TMEM131L: variants seen among roughly 807,000 people sequenced by gnomAD.
The protein encoded by TMEM131L is transmembrane protein 131-like.
Under a neutral mutation model 192.2 loss-of-function variants are expected in TMEM131L, and 54 were observed. That is an observed-to-expected ratio of 0.28 (90% confidence interval 0.23 to 0.35). TMEM131L has a LOEUF of 0.35. Among genes scored for constraint, TMEM131L ranks in the 10% least tolerant of loss-of-function variants. The probability of loss-of-function intolerance (pLI) is 1.00; values close to 1 mark genes in which losing one functional copy is unlikely to be tolerated. For synonymous variants in TMEM131L, 701 were observed against 704.9 expected (o/e 0.99, Z 0.09); for missense variants, 1,888 against 1,972.9 (o/e 0.96, Z 0.82).
At chr4:153,573,808 C>G (rs145565808) in intron 7 of TMEM131L, among the ~76,000 whole-genome samples, 21 of 152,056 alleles carry the variant, frequency 1.4e-4, no homozygotes, top group African/African-American at 4.6e-4. Flanking sequence ...TCTTAGAAAC[C>G]AAAGGAGTGT....
chr4:153,480,759 A>G (rs1326737366), intron 3 of TMEM131L, among the ~76,000 whole-genome samples: 1 of 152,128 alleles, frequency 6.6e-6, no homozygotes, highest in Non-Finnish European at 1.5e-5. Context: ...TATACTCTCT[A>G]TATAGAAGGA....
intron 4 of TMEM131L, 59 bp downstream of exon 4, chr4:153,550,200 T>A (rs1194015728): frequency 5.8e-6 from 4 of 692,750 alleles, no homozygotes; most frequent in African/African-American, 3.7e-5. Flanking sequence ...ATTTTCAGAA[T>A]TTTTTTTACA....
At chr4:153,617,599 A>G (rs1733070986) in intron 26 of TMEM131L, among the ~76,000 whole-genome samples, 2 of 152,236 alleles carry the variant, frequency 1.3e-5, no homozygotes, top group South Asian at 2.1e-4. Context: ...AACACAAAAA[A>G]AACTATCCAT....
chr4:153,615,572 G>A (rs1550344), intron 26 of TMEM131L, among the ~76,000 whole-genome samples: 69,060 of 152,048 alleles, frequency 0.45, 16,342 homozygotes, highest in Non-Finnish European at 0.54. Flanking sequence ...TGAGGATAGG[G>A]CACACTTTCA....
intron 3 of TMEM131L, among the ~76,000 whole-genome samples, chr4:153,545,659 A>G (rs937488184): frequency 6.6e-6 from 1 of 152,186 alleles, no homozygotes; most frequent in African/African-American, 2.4e-5. Context: ...TTTTCTTTTA[A>G]AAGATAAAAG....
chr4:153,600,145 T>C (rs1406250158), intron 21 of TMEM131L, among the ~76,000 whole-genome samples: 2 of 151,958 alleles, frequency 1.3e-5, no homozygotes, highest in African/African-American at 4.8e-5. Context: ...TGGAAAGATT[T>C]CTTGAGCTCA....
Position 153,620,817 on chromosome 4 carries a change from T to G in TMEM131L, c.3629T>G (p.Leu1210Ter). The change falls in exon 27 of 35, where the codon TTA (leucine) becomes TGA (stop). Residue 1210 changes from leucine to a stop codon, truncating the protein, a stop_gained. Coordinates refer to ENST00000409959, the MANE Select transcript of TMEM131L (RefSeq NM_001131007.2). LOFTEE classifies it high-confidence loss of function. ...AAAAGAGAAGGAAATTTACAAAATT[T>G]AAATTGGAGTAAAAGTCGAACATGT... ...QEKREGNLQN[L>*]NWSKSRTCRK... 6.3e-7 allele frequency: 1 copy of G among 1,598,102 alleles called. No individual in the cohort carries two copies. Among genetic ancestry groups the G allele is most frequent in the Non-Finnish European group, 8.5e-7 (1 of 1,172,004 alleles).
intron 31 of TMEM131L, chr4:153,632,504 C>T: frequency 1.9e-6 from 1 of 528,840 alleles, no homozygotes; most frequent in East Asian, 3.3e-5. Flanking sequence ...TCTTGTCATC[C>T]AGGTCAAGAG....
chr4:153,570,226 A>G (rs10003974), intron 7 of TMEM131L, among the ~76,000 whole-genome samples: 15,111 of 152,152 alleles, frequency 0.099, 2,290 homozygotes, highest in African/African-American at 0.32. Flanking sequence ...TTAACTTCAC[A>G]TCCAAAAAAA....
chr4:153,602,605 C>A lies in TMEM131L; in HGVS notation c.2517C>A (p.Asp839Glu). 1 of 1,614,118 alleles carries A rather than the reference C, an allele frequency of 6.2e-7. No homozygotes were observed. Among genetic ancestry groups the A allele is most frequent in the Non-Finnish European group, 8.5e-7 (1 of 1,179,998 alleles). The change falls in exon 23 of 35, where the codon GAC becomes GAA. Residue 839 changes from aspartate to glutamate, a missense_variant. Transcript: ENST00000409959. ...IRDLSLVTAADLEFRFTLNVT... is the reference protein window; with the variant it reads ...IRDLSLVTAAELEFRFTLNVT... ...ACCTAAGTCTTGTAACCGCAGCGGA[C>A]CTAGAATTTCGCTTCACTCTCAATG...
chr4:153,518,331 A>G (rs1379568733), intron 3 of TMEM131L, among the ~76,000 whole-genome samples: 6 of 152,202 alleles, frequency 3.9e-5, no homozygotes, highest in Non-Finnish European at 5.9e-5. Flanking sequence ...TGTTTTTGCT[A>G]TAATAGAAAG....
At chr4:153,574,529 G>T (rs953725690) in intron 7 of TMEM131L, among the ~76,000 whole-genome samples, 4 of 152,124 alleles carry the variant, frequency 2.6e-5, no homozygotes, top group Non-Finnish European at 5.9e-5. Context: ...ACTGTGTGTG[G>T]GGGCCACCTG....
At chr4:153,517,640 C>T (rs900567194) in intron 3 of TMEM131L, among the ~76,000 whole-genome samples, 8 of 152,084 alleles carry the variant, frequency 5.3e-5, no homozygotes, top group Non-Finnish European at 1.2e-4. Flanking sequence ...GGTCAGGAGC[C>T]TTTTGTTCAA....
At chr4:153,560,081 G>A (rs1728749218) in intron 7 of TMEM131L, among the ~76,000 whole-genome samples, 1 of 151,822 alleles carries the variant, frequency 6.6e-6, no homozygotes, top group Non-Finnish European at 1.5e-5. Context: ...AGCTCTTCAG[G>A]GACTTTTGCG....
At position 153,626,621 on chromosome 4, in the gene TMEM131L, AGGCGTAGC is replaced by A. The variant is rs1472867047; in HGVS notation, c.4124+401_4124+408del. ...GAATTTCGTTTTTTCTTTTTAAATT[AGGCGTAGC>A]GGCGCATGCCTGTATTTCCAGCTAC... On this transcript the variant is annotated intron_variant, in intron 30 of 34. Coordinates refer to ENST00000409959, the MANE Select transcript of TMEM131L (RefSeq NM_001131007.2). 3.3e-5 allele frequency among the ~76,000 whole-genome samples: 5 copies of A among 152,224 alleles called. No homozygotes were observed. The East Asian group carries it at 9.6e-4, about 29-fold the overall frequency.
In TMEM131L at chr4:153,598,745, G is replaced by GC; in HGVS notation, c.2266+13_2266+14insC. The GC allele has an allele frequency of 6.4e-7, 1 of 1,566,356 alleles. No homozygotes were observed. The highest frequency in any genetic ancestry group is 8.7e-7 in the Non-Finnish European group (1 of 1,152,402). On this transcript the variant is annotated intron_variant, in intron 21 of 34. Coordinates refer to ENST00000409959, the MANE Select transcript of TMEM131L (RefSeq NM_001131007.2). The stretch of plus-strand genomic sequence containing the variant: ...GACTGCCGTAGACGTGAGTTCATAT[G>GC]TGTGGCACTCTGACAGGGGAGGTTG...
chr4:153,605,161 A>T (rs1732134034), intron 25 of TMEM131L, among the ~76,000 whole-genome samples: 1 of 152,212 alleles, frequency 6.6e-6, no homozygotes, highest in Non-Finnish European at 1.5e-5. Context: ...TTCCTTGGTT[A>T]AAAGAAGACA....
chr4:153,591,001 AT>A (rs1731028209), intron 16 of TMEM131L, 51 bp from the exon 17 acceptor site: 1 of 1,255,020 alleles, frequency 8.0e-7, no homozygotes, highest in Non-Finnish European at 1.1e-6. Context: ...TAAATATTAA[AT>A]TTTTAAATAT....
intron 3 of TMEM131L, among the ~76,000 whole-genome samples, chr4:153,475,215 C>G (rs1220695326): frequency 6.6e-6 from 1 of 152,088 alleles, no homozygotes; most frequent in African/African-American, 2.4e-5. Context: ...TCTTTAGTAA[C>G]TTTGGTGGTT....
Sources: gnomAD v4.1 joint callset for allele counts (sites outside exome capture counted in the v4.1 genomes callset) on GRCh38, gnomAD v4.1.1 for gene constraint, MANE v1.5 for transcripts, NCBI Gene and HGNC (gene_info 2026-07-23, HGNC 2026-07-21) for gene names.